The following MGAT4C variants were observed in gnomAD, a reference collection of about 807,000 sequenced individuals.
MGAT4C encodes alpha-1,3-mannosyl-glycoprotein 4-beta-N-acetylglucosaminyltransferase C.
MGAT4C carries 19 observed loss-of-function variants against 40.1 expected under a neutral mutation model. The ratio of observed to expected loss-of-function variants is 0.47; its 90% CI spans 0.33 to 0.70. The LOEUF is 0.70. Ranked by LOEUF, MGAT4C falls within the 30% of genes least tolerant of loss-of-function variation. The pLI is 0.02. For synonymous variants in MGAT4C, 181 were observed against 187.1 expected (o/e 0.97, Z 0.27); for missense variants, 491 against 563.2 (o/e 0.87, Z 1.30).
At chr12:86,429,032 C>G (rs1363569770) in intron 3 of MGAT4C, among the ~76,000 whole-genome samples, 1 of 151,548 alleles carries the variant, frequency 6.6e-6, no homozygotes, top group Non-Finnish European at 1.5e-5. Flanking sequence ...TTAATAGTTC[C>G]TTAAGGTGTA....
At chr12:86,510,398 A>C (rs541497252) in intron 2 of MGAT4C, among the ~76,000 whole-genome samples, 2 of 152,310 alleles carry the variant, frequency 1.3e-5, no homozygotes, top group South Asian at 4.1e-4. Context: ...GCCAAATTGT[A>C]AAGACCATCG....
chr12:86,794,091 T>A (rs1952071485), intron 1 of MGAT4C, among the ~76,000 whole-genome samples: 1 of 151,896 alleles, frequency 6.6e-6, no homozygotes, highest in Non-Finnish European at 1.5e-5. Context: ...AATTATGACT[T>A]TATGGTGCAT....
chr12:86,035,390 GTCTGT>G (rs1198857010), intron 2 of MGAT4C, among the ~76,000 whole-genome samples: 1 of 150,116 alleles, frequency 6.7e-6, no homozygotes. Context: ...TTTGAGAAGT[GTCTGT>G]TCATATCCTT....
At chr12:86,493,792 T>TATAATA (rs1047237768) in intron 2 of MGAT4C, among the ~76,000 whole-genome samples, 2 of 151,946 alleles carry the variant, frequency 1.3e-5, no homozygotes, top group African/African-American at 4.8e-5. Context: ...AAACTTGAAG[T>TATAATA]ATAATAATAA....
chr12:86,110,418 GT>G (rs1877168298), intron 1 of MGAT4C, among the ~76,000 whole-genome samples: 1 of 140,954 alleles, frequency 7.1e-6, no homozygotes, highest in Non-Finnish European at 1.5e-5. Flanking sequence ...CAGAATTTGG[GT>G]TAATTTCTTT....
intron 2 of MGAT4C, among the ~76,000 whole-genome samples, chr12:86,530,325 A>G (rs570140652): frequency 6.6e-6 from 1 of 152,094 alleles, no homozygotes; most frequent in East Asian, 1.9e-4. Context: ...AAACATCTAA[A>G]CTGAATAAAT....
intron 2 of MGAT4C, among the ~76,000 whole-genome samples, chr12:86,635,732 G>A (rs971195987): frequency 7.3e-5 from 11 of 151,382 alleles, no homozygotes; most frequent in African/African-American, 1.2e-4. Context: ...GGAGTTCCAC[G>A]GTGGTGCAAT....
At chr12:86,473,660 A>G (rs1957787103) in intron 2 of MGAT4C, among the ~76,000 whole-genome samples, 1 of 152,198 alleles carries the variant, frequency 6.6e-6, no homozygotes, top group Admixed American at 6.5e-5. Context: ...ATATTGCATA[A>G]TAATGTTATT....
intron 2 of MGAT4C, among the ~76,000 whole-genome samples, chr12:86,606,906 C>T (rs567159422): frequency 1.3e-5 from 2 of 152,088 alleles, no homozygotes; most frequent in South Asian, 4.1e-4. Context: ...TTGAAATTTA[C>T]CTATTGGTAT....
intron 2 of MGAT4C, among the ~76,000 whole-genome samples, chr12:86,717,102 G>T (rs1244048590): frequency 2.6e-5 from 4 of 151,240 alleles, no homozygotes; most frequent in African/African-American, 9.7e-5. Context: ...TCTTTTTTTG[G>T]CCAAAGGACT....
intron 1 of MGAT4C, among the ~76,000 whole-genome samples, chr12:86,056,204 C>T (rs1893368457): frequency 1.3e-5 from 2 of 152,072 alleles, no homozygotes; most frequent in South Asian, 4.1e-4. Flanking sequence ...GCTTATAAAG[C>T]ATGCAGTATG....
intron 1 of MGAT4C, among the ~76,000 whole-genome samples, chr12:86,095,786 CTTATA>C (rs888930581): frequency 8.0e-4 from 26 of 32,316 alleles, no homozygotes; most frequent in African/African-American, 3.0e-3. Flanking sequence ...TTCTACTTTA[CTTATA>C]TTCATCTCTG....
At chr12:86,447,987 T>C (rs567506305) in intron 2 of MGAT4C, among the ~76,000 whole-genome samples, 141 of 152,296 alleles carry the variant, frequency 9.3e-4, no homozygotes, top group African/African-American at 3.3e-3. Flanking sequence ...TTTTGCTGCA[T>C]GCGTCTGAGA....
At chr12:86,793,543 A>G (rs1490836360) in intron 1 of MGAT4C, among the ~76,000 whole-genome samples, 1 of 152,100 alleles carries the variant, frequency 6.6e-6, no homozygotes, top group Non-Finnish European at 1.5e-5. Flanking sequence ...TAAAACCTAG[A>G]TGATTTTAAA....
chr12:86,520,262 T>G (rs373170298), intron 2 of MGAT4C, among the ~76,000 whole-genome samples: 10 of 152,160 alleles, frequency 6.6e-5, no homozygotes, highest in African/African-American at 2.4e-4. Flanking sequence ...CTTCATACTC[T>G]TCTATGTGCC....
At chr12:86,131,662 C>T (rs1229138239) in intron 1 of MGAT4C, among the ~76,000 whole-genome samples, 6 of 151,648 alleles carry the variant, frequency 4.0e-5, no homozygotes, top group South Asian at 2.1e-4. Context: ...GTTTATCTTA[C>T]GAGACCCTTA....
chr12:86,381,159 C>T (rs1307522908), intron 3 of MGAT4C, among the ~76,000 whole-genome samples: 6 of 151,970 alleles, frequency 3.9e-5, no homozygotes, highest in Non-Finnish European at 1.5e-5. Context: ...GTGTACCCAG[C>T]TTTATAATGG....
chr12:86,454,062 G>T (rs1957470147), intron 2 of MGAT4C, among the ~76,000 whole-genome samples: 1 of 151,940 alleles, frequency 6.6e-6, no homozygotes. Flanking sequence ...GCCAATAAAA[G>T]GCTCAGAAAA....
chr12:86,039,109 CT>C (rs1033962232), intron 2 of MGAT4C, among the ~76,000 whole-genome samples: 1 of 131,802 alleles, frequency 7.6e-6, no homozygotes, highest in Admixed American at 7.5e-5. Context: ...ATGGGCTTCC[CT>C]TTGTGGGTAA....
Sources: allele counts gnomAD v4.1 joint callset (sites outside exome capture counted in the v4.1 genomes callset), GRCh38; gene constraint gnomAD v4.1.1; transcripts MANE v1.5; gene names NCBI Gene and HGNC (gene_info 2026-07-23, HGNC 2026-07-21).